Variants in FRMD5 observed in about 807,000 individuals in gnomAD.
The protein encoded by FRMD5 is FERM domain containing 5.
Under a neutral mutation model 69.0 loss-of-function variants are expected in FRMD5, and 20 were observed. The observed-to-expected ratio is 0.29, with a 90% CI of 0.20 to 0.42. The LOEUF (loss-of-function observed/expected upper bound fraction) is 0.42. FRMD5 is among the 10% of genes least tolerant of loss of function. FRMD5 has a pLI of 1.00. For synonymous variants in FRMD5, 271 were observed against 260.1 expected, an observed-to-expected ratio of 1.04 and a Z score of -0.40; for missense variants, 595 against 708.6, an observed-to-expected ratio of 0.84 and a Z score of 1.82.
chr15:44,132,786 C>G (rs2077121601), intron 1 of FRMD5, among the ~76,000 whole-genome samples: 1 of 150,634 alleles, frequency 6.6e-6, no homozygotes, highest in African/African-American at 2.4e-5. Context: ...GAGACAGAGT[C>G]TCGCCCTGTT....
In FRMD5 at chr15:44,048,949, T is replaced by G. The variant is rs188423101; in HGVS notation, c.103-124640A>C. The stretch of plus-strand genomic sequence containing the variant: ...CTAGAAATCCACTGCTAAGCCACTT[T>G]GTACTTCTTGGCGGAAAGGCAGCAT... On this transcript the variant is annotated intron_variant, in intron 1 of 13. Transcript: ENST00000417257. 1.7e-3 allele frequency among the ~76,000 whole-genome samples: 258 copies of G among 152,352 alleles called. 1 individual carries two copies. The highest frequency in any genetic ancestry group is 3.7e-3 in the Admixed American group (56 of 15,296).
At chr15:44,165,056 GC>G (rs776843544) in intron 1 of FRMD5, among the ~76,000 whole-genome samples, 1 of 152,142 alleles carries the variant, frequency 6.6e-6, no homozygotes, top group Admixed American at 6.5e-5. Flanking sequence ...GCCCATTTCT[GC>G]CTGCACCCTG....
intron 1 of FRMD5, among the ~76,000 whole-genome samples, chr15:44,129,766 T>C (rs1267832699): frequency 6.6e-6 from 1 of 152,074 alleles, no homozygotes; most frequent in African/African-American, 2.4e-5. Context: ...GAAGAGCCTT[T>C]TCCTCTCCAA....
rs2088183989 is a variant in FRMD5, at chr15:43,872,408, C to T, written c.*1477G>A. ...GTGGGTCCAGGAATATGTCCATTGA[C>T]CACCCTTAAATAAGCCCTCAAGCCC... is the stretch of plus-strand genomic sequence containing the variant. On this transcript the variant is annotated 3_prime_UTR_variant, in exon 14 of 14. Transcript: ENST00000417257. 6.6e-6 allele frequency: 1 copy of T among 152,126 alleles called. No homozygotes were observed. Among genetic ancestry groups the T allele is most frequent in the South Asian group, 2.1e-4 (1 of 4,822 alleles). 9.4% of individuals were successfully genotyped at this position (152,126 alleles called of 1,614,324 possible).
intron 1 of FRMD5, among the ~76,000 whole-genome samples, chr15:44,004,588 T>C (rs1224364166): frequency 6.6e-6 from 1 of 152,232 alleles, no homozygotes; most frequent in Non-Finnish European, 1.5e-5. Flanking sequence ...GCCATGCCCA[T>C]AGAAGATGGC....
intron 1 of FRMD5, among the ~76,000 whole-genome samples, chr15:44,113,666 A>G (rs1229996424): frequency 3.3e-5 from 5 of 152,088 alleles, no homozygotes; most frequent in African/African-American, 2.4e-5. Flanking sequence ...CTTTCTAACA[A>G]CTTTTTGTGC....
chr15:43,927,084 T>G (rs973651694), intron 1 of FRMD5, among the ~76,000 whole-genome samples: 9 of 152,068 alleles, frequency 5.9e-5, no homozygotes, highest in Admixed American at 5.9e-4. Flanking sequence ...CCCCACTGAA[T>G]GACTCTCTCA....
chr15:44,124,106 C>A (rs2076992849), intron 1 of FRMD5, among the ~76,000 whole-genome samples: 1 of 152,004 alleles, frequency 6.6e-6, no homozygotes, highest in African/African-American at 2.4e-5. Context: ...AATTCGCCTG[C>A]CTCAGCCTCC....
chr15:44,098,236 G>C (rs2076583698), intron 1 of FRMD5, among the ~76,000 whole-genome samples: 1 of 151,864 alleles, frequency 6.6e-6, no homozygotes, highest in South Asian at 2.1e-4. Flanking sequence ...TCTACTAAAA[G>C]GGATACAAGG....
chr15:43,912,013 C>T (rs937404034), intron 4 of FRMD5, among the ~76,000 whole-genome samples: 38 of 152,288 alleles, frequency 2.5e-4, no homozygotes, highest in African/African-American at 8.9e-4. Flanking sequence ...CAAAGTGTAG[C>T]CCACATATCA....
upstream of FRMD5, among the ~76,000 whole-genome samples, chr15:44,196,975 T>C (rs1288761574): frequency 6.6e-6 from 1 of 152,214 alleles, no homozygotes; most frequent in Non-Finnish European, 1.5e-5. Flanking sequence ...TGCGCTCCAC[T>C]ACTTTGTAGC....
intron 1 of FRMD5, among the ~76,000 whole-genome samples, chr15:43,938,245 A>AG (rs1278353009): frequency 6.6e-6 from 1 of 151,660 alleles, no homozygotes; most frequent in African/African-American, 2.4e-5. Flanking sequence ...AAAAAAAAAA[A>AG]AAAAAAGCCT....
At chr15:44,065,530 T>C (rs1893272475) in intron 1 of FRMD5, among the ~76,000 whole-genome samples, 1 of 152,202 alleles carries the variant, frequency 6.6e-6, no homozygotes, top group African/African-American at 2.4e-5. Context: ...TTAATAACAC[T>C]ATGCATATGA....
In FRMD5 at chr15:44,081,914, G is replaced by A. The variant is rs550746767; in HGVS notation, c.102+113039C>T. 8.5e-5 allele frequency among the ~76,000 whole-genome samples: 13 copies of A among 152,062 alleles called. No individual in the cohort carries two copies. In the East Asian group the frequency reaches 2.5e-3, roughly 29 times the overall value. On this transcript the variant is annotated intron_variant, in intron 1 of 13. Transcript: ENST00000417257. ...GACAGCCTCAGAGGACAATGAAGAA[G>A]AAAAGTGAACCCAAAACGTCAACAC...
chr15:43,902,689 CAA>C (rs5812254), intron 6 of FRMD5, among the ~76,000 whole-genome samples: 40 of 112,690 alleles, frequency 3.5e-4, no homozygotes, highest in Non-Finnish European at 3.0e-4. Context: ...GACCCTGTCT[CAA>C]AAAAAAAAAA....
At chr15:43,990,295 A>G (rs923924907) in intron 1 of FRMD5, 1 of 267,574 alleles carries the variant, frequency 3.7e-6, no homozygotes, top group East Asian at 9.3e-5. Context: ...GCACTGGGAA[A>G]CCAAAATATT....
At chr15:44,016,853 G>C (rs148498253) in intron 1 of FRMD5, among the ~76,000 whole-genome samples, 5 of 92,052 alleles carry the variant, frequency 5.4e-5, no homozygotes, top group Admixed American at 5.3e-4. Context: ...TTTTTTTTTT[G>C]AGACAGGGTC....
At chr15:44,178,744 C>G (rs1458544246) in intron 1 of FRMD5, among the ~76,000 whole-genome samples, 1 of 152,104 alleles carries the variant, frequency 6.6e-6, no homozygotes. Context: ...CTTGTAATCC[C>G]AGCACTGGGA....
intron 1 of FRMD5, among the ~76,000 whole-genome samples, chr15:44,142,395 A>T (rs961460127): frequency 6.6e-6 from 1 of 152,230 alleles, no homozygotes; most frequent in African/African-American, 2.4e-5. Context: ...TAGTGAACAC[A>T]TGGTAGCATC....
Sources: allele counts gnomAD v4.1 joint callset (sites outside exome capture counted in the v4.1 genomes callset), GRCh38; gene constraint gnomAD v4.1.1; transcripts MANE v1.5; gene names NCBI Gene and HGNC (gene_info 2026-07-23, HGNC 2026-07-21).